FMO5: variants seen among roughly 807,000 people sequenced by gnomAD.
FMO5 encodes flavin containing dimethylaniline monoxygenase 5, also known as flavin-containing monooxygenase 5.
Under a neutral mutation model 43.6 loss-of-function variants are expected in FMO5, and 51 were observed. The ratio of observed to expected loss-of-function variants is 1.17; its 90% CI spans 0.93 to 1.48. The LOEUF (loss-of-function observed/expected upper bound fraction) is 1.48. FMO5 is among the 40% of genes most tolerant of loss of function. The pLI, the probability that FMO5 is intolerant of heterozygous loss-of-function variation, is 0.00. For synonymous variants in FMO5, 187 were observed against 216.5 expected, an observed-to-expected ratio of 0.86 and a Z score of 1.20; for missense variants, 644 against 643.0, an observed-to-expected ratio of 1.00 and a Z score of -0.02.
chr1:147,184,951 T>C (rs1655489552), downstream of FMO5, among the ~76,000 whole-genome samples: 1 of 151,960 alleles, frequency 6.6e-6, no homozygotes, highest in Non-Finnish European at 1.5e-5. The surrounding 1 kb of genome is among the most constrained non-coding windows in gnomAD (Gnocchi z 4.4). Flanking sequence ...TTTATTAATG[T>C]ATTCAATTTT....
At chr1:147,225,152 C>A in intron 1 of FMO5, 86 bp from the exon 2 acceptor site, 4 of 1,555,286 alleles carry the variant, frequency 2.6e-6, no homozygotes, top group East Asian at 4.5e-5. Flanking sequence ...CGAATAAATT[C>A]TGTACAAGAG....
intron 7 of FMO5, among the ~76,000 whole-genome samples, chr1:147,197,626 C>G (rs1658235419): frequency 6.6e-6 from 1 of 152,136 alleles, no homozygotes; most frequent in Non-Finnish European, 1.5e-5. Flanking sequence ...CACTCATTCT[C>G]TCTCCTGCCA....
intron 6 of FMO5, among the ~76,000 whole-genome samples, chr1:147,207,595 G>A (rs1033594272): frequency 2.0e-5 from 3 of 151,922 alleles, no homozygotes; most frequent in Admixed American, 6.6e-5. Context: ...TGTTGCCCTC[G>A]GGAAAATTAC....
intron 8 of FMO5, 43 bp from the exon 9 acceptor site, chr1:147,187,288 A>G (rs782385470): frequency 1.2e-5 from 18 of 1,440,936 alleles, no homozygotes; most frequent in South Asian, 4.0e-5. Context: ...CAATAATTCA[A>G]TCAGTCAGTC....
chr1:147,209,760 G>A (rs1444632691), intron 5 of FMO5: 1 of 152,190 alleles, frequency 6.6e-6, no homozygotes, highest in East Asian at 1.9e-4. Flanking sequence ...TCCATCCTCT[G>A]AATTTCTCTA....
At position 147,204,072 on chromosome 1, in the gene FMO5, C is replaced by T; in HGVS notation, c.831-2568G>A. The stretch of plus-strand genomic sequence containing the variant: ...TTGCCACCTGTTACTACAACATTTG[C>T]ACCAGTATCAGCAATAGCTTTGACT... On this transcript the variant is annotated intron_variant, in intron 6 of 8. Transcript: ENST00000254090. 3 of 1,140,304 alleles carry T rather than the reference C, an allele frequency of 2.6e-6. No homozygotes were observed. In the Admixed American group the frequency reaches 5.0e-5, roughly 19 times the overall value. 70.6% of individuals were successfully genotyped at this position (1,140,304 alleles called of 1,614,324 possible). A position where few individuals can be genotyped will look rare whatever the true frequency, so the allele number is the denominator to read the frequency against.
intron 8 of FMO5, among the ~76,000 whole-genome samples, chr1:147,188,822 G>A (rs1301486457): frequency 6.6e-6 from 1 of 151,524 alleles, no homozygotes; most frequent in East Asian, 1.9e-4. Flanking sequence ...TTCAGGAGGT[G>A]GTTAGACAAA....
intron 2 of FMO5, among the ~76,000 whole-genome samples, 160 bp downstream of exon 2, chr1:147,224,735 C>A (rs1663704121): frequency 6.6e-6 from 1 of 152,072 alleles, no homozygotes; most frequent in Non-Finnish European, 1.5e-5. Flanking sequence ...TGGTCTCGAT[C>A]GCCTGACCTC....
At chr1:147,225,508 T>C (rs1663897483), upstream of FMO5, 1 of 161,606 alleles carries the variant, frequency 6.2e-6, no homozygotes, top group South Asian at 1.7e-4. Flanking sequence ...GAAGCTGCTT[T>C]GGGCGAAAAA....
intron 2 of FMO5, chr1:147,224,151 C>T (rs1663581925): frequency 3.3e-6 from 1 of 301,022 alleles, no homozygotes; most frequent in Admixed American, 4.2e-5. Flanking sequence ...AAGACCTGCA[C>T]GACGTTGCCT....
At chr1:147,196,394 C>T (rs1165551442) in intron 7 of FMO5, among the ~76,000 whole-genome samples, 2 of 152,048 alleles carry the variant, frequency 1.3e-5, no homozygotes, top group African/African-American at 4.8e-5. Context: ...TTCCAAATTA[C>T]TTCTACACAA....
chr1:147,224,799 C>T, intron 2 of FMO5, 96 bp downstream of exon 2: 1 of 1,263,694 alleles, frequency 7.9e-7, no homozygotes, highest in Non-Finnish European at 1.1e-6. Flanking sequence ...CGTGTGCCAA[C>T]CGCGCCCGGC....
chr1:147,197,299 T>C (rs966133117), intron 7 of FMO5, among the ~76,000 whole-genome samples: 1 of 152,190 alleles, frequency 6.6e-6, no homozygotes. Context: ...TGGGTACTTA[T>C]TGCCCACTGC....
Position 147,201,384 on chromosome 1 carries a change from G to A in FMO5, c.951C>T (p.Gly317=). ...FTETAAIFED[G]SREDDIDAVI... ...CAGCATCAATGTCATCCTCCCTGGA[G>A]CCATCCTCAAATATGGCAGCTGTCT... The change falls in exon 7 of 9, where the codon GGC becomes GGT. Residue 317 remains glycine, a synonymous_variant. Coordinates refer to ENST00000254090, the MANE Select transcript of FMO5 (RefSeq NM_001461.4). 6.2e-7 allele frequency: 1 copy of A among 1,614,128 alleles called. No individual in the cohort carries two copies. Among genetic ancestry groups the A allele is most frequent in the Non-Finnish European group, 8.5e-7 (1 of 1,179,970 alleles).
intron 2 of FMO5, among the ~76,000 whole-genome samples, chr1:147,218,380 C>T (rs1662385938): frequency 6.6e-6 from 1 of 151,652 alleles, no homozygotes. Context: ...GGCCTACAGG[C>T]ACGCGCCACT....
chr1:147,194,204 A>G (rs1265743835), intron 7 of FMO5, among the ~76,000 whole-genome samples: 2 of 152,154 alleles, frequency 1.3e-5, no homozygotes, highest in Non-Finnish European at 2.9e-5. Flanking sequence ...CATTGGGTGC[A>G]TATATATTTA....
intron 7 of FMO5, 126 bp from the exon 8 acceptor site, chr1:147,190,375 T>C: frequency 1.7e-6 from 1 of 597,190 alleles, no homozygotes; most frequent in Non-Finnish European, 2.9e-6. Context: ...TCAAGGAGGT[T>C]ACAATTCACT....
chr1:147,203,208 C>T (rs1178028403), intron 6 of FMO5: 1 of 810,216 alleles, frequency 1.2e-6, no homozygotes, highest in Non-Finnish European at 2.0e-6. Context: ...AATAAGAAAA[C>T]ATCACGCGAT....
upstream of FMO5, among the ~76,000 whole-genome samples, chr1:147,226,254 C>T (rs965000630): frequency 6.6e-6 from 1 of 151,942 alleles, no homozygotes; most frequent in Non-Finnish European, 1.5e-5. Flanking sequence ...ACCTATACCT[C>T]TCTCCTCCCC....
Sources: gnomAD v4.1 joint callset for allele counts (sites outside exome capture counted in the v4.1 genomes callset) on GRCh38, gnomAD v4.1.1 for gene constraint, Gnocchi (gnomAD v3.1) non-coding constraint, MANE v1.5 for transcripts, NCBI Gene and HGNC (gene_info 2026-07-23, HGNC 2026-07-21) for gene names.